Variants in GALNT13 observed in about 807,000 individuals in gnomAD.
GALNT13 encodes UDP-GalNAc:polypeptide N-acetylgalactosaminyltransferase 13.
GALNT13 carries 28 observed loss-of-function variants against 64.2 expected under a neutral mutation model. That is an observed-to-expected ratio of 0.44 (90% CI 0.32 to 0.60). The LOEUF is 0.60. GALNT13 is among the 20% of genes least tolerant of loss of function. GALNT13 has a pLI of 0.05. For synonymous variants in GALNT13, 214 were observed against 224.6 expected, an observed-to-expected ratio of 0.95 and a Z score of 0.42; for missense variants, 577 against 669.8, an observed-to-expected ratio of 0.86 and a Z score of 1.53.
the GALNT13 span, among the ~76,000 whole-genome samples, chr2:153,673,837 T>C: frequency 6.6e-6 from 1 of 152,190 alleles, no homozygotes; most frequent in Non-Finnish European, 1.5e-5. Flanking sequence ...CTCAAGCTGA[T>C]AAGCAACTTC....
the GALNT13 span, among the ~76,000 whole-genome samples, chr2:153,105,025 T>C: frequency 1.3e-4 from 14 of 108,236 alleles, no homozygotes; most frequent in African/African-American, 1.8e-4. Flanking sequence ...CCTAATGCTA[T>C]CCCTCCCCCC....
chr2:153,786,120 T>C, the GALNT13 span, among the ~76,000 whole-genome samples: 1 of 152,042 alleles, frequency 6.6e-6, no homozygotes, highest in African/African-American at 2.4e-5. Flanking sequence ...CAGGGCTGCC[T>C]GATATGGGAC....
chr2:153,286,419 T>A, the GALNT13 span, among the ~76,000 whole-genome samples: 1 of 152,174 alleles, frequency 6.6e-6, no homozygotes, highest in Admixed American at 6.5e-5. Context: ...ACAGAGAACC[T>A]AAATATGCCA....
chr2:153,954,221 C>G (rs994206652), intron 3 of GALNT13, among the ~76,000 whole-genome samples: 2 of 152,086 alleles, frequency 1.3e-5, no homozygotes, highest in African/African-American at 4.8e-5. Flanking sequence ...TATATGGCTT[C>G]ATCTTTTGCA....
chr2:154,279,366 A>C (rs1198941550), intron 8 of GALNT13, among the ~76,000 whole-genome samples: 1 of 152,182 alleles, frequency 6.6e-6, no homozygotes, highest in East Asian at 1.9e-4. Context: ...AAATGGAAAG[A>C]AGAAACTAAG....
chr2:153,818,381 C>T, the GALNT13 span, among the ~76,000 whole-genome samples: 1 of 152,142 alleles, frequency 6.6e-6, no homozygotes, highest in Non-Finnish European at 1.5e-5. Context: ...GCCAGATTGC[C>T]CTGACTACCC....
At chr2:154,437,567 C>T (rs1701042520) in intron 11 of GALNT13, 1 of 1,284,478 alleles carries the variant, frequency 7.8e-7, no homozygotes, top group Non-Finnish European at 1.0e-6. Context: ...GCTTAATAAC[C>T]CTCATGAGGC....
the GALNT13 span, among the ~76,000 whole-genome samples, chr2:153,137,651 T>G: frequency 3.3e-5 from 5 of 151,792 alleles, no homozygotes; most frequent in African/African-American, 1.2e-4. Context: ...ATTACTTTAT[T>G]CGATAAGTAT....
At chr2:154,119,159 T>TTTG (rs2105511662) in intron 3 of GALNT13, among the ~76,000 whole-genome samples, 1 of 152,300 alleles carries the variant, frequency 6.6e-6, no homozygotes, top group Non-Finnish European at 1.5e-5. Context: ...TCTACAAAAG[T>TTTG]TCTTATTTCC....
chr2:153,256,908 T>G, the GALNT13 span, among the ~76,000 whole-genome samples: 2 of 152,234 alleles, frequency 1.3e-5, no homozygotes, highest in Admixed American at 6.5e-5. Context: ...TCTTTTTGTT[T>G]GTCTGTGCCC....
chr2:153,528,955 C>A, the GALNT13 span, among the ~76,000 whole-genome samples: 1 of 151,688 alleles, frequency 6.6e-6, no homozygotes. Context: ...GCTATAAATA[C>A]TTACATCAAA....
At position 154,077,864 on chromosome 2, in the gene GALNT13, G is replaced by A. The variant is rs977326578; in HGVS notation, c.143-62473G>A. ...TTACACAGCATTTTTTTAAAATCATGCTTTCAAATAATATATCTTAGGAAA... is the reference window on the plus strand; with the variant it reads ...TTACACAGCATTTTTTTAAAATCATACTTTCAAATAATATATCTTAGGAAA... On this transcript the variant is annotated intron_variant, in intron 3 of 12. Transcript: ENST00000392825. Among the ~76,000 whole-genome samples the A allele has an allele frequency of 3.3e-5, 5 of 151,546 alleles. No individual in the cohort carries two copies. The East Asian group carries it at 9.7e-4, about 29-fold the overall frequency.
the GALNT13 span, among the ~76,000 whole-genome samples, chr2:153,391,951 T>C: frequency 6.7e-6 from 1 of 149,846 alleles, no homozygotes; most frequent in African/African-American, 2.4e-5. Flanking sequence ...AAATATACTA[T>C]CTATATTTTA....
At chr2:153,632,031 C>T in the GALNT13 span, among the ~76,000 whole-genome samples, 26 of 152,046 alleles carry the variant, frequency 1.7e-4, no homozygotes, top group Non-Finnish European at 3.2e-4. Flanking sequence ...TTGACACTGT[C>T]CAAGGCAAAA....
chr2:153,572,454 G>A, the GALNT13 span, among the ~76,000 whole-genome samples: 8 of 150,380 alleles, frequency 5.3e-5, no homozygotes, highest in Non-Finnish European at 8.9e-5. Context: ...TTCTGCCCTG[G>A]TCTTTATTAT....
the GALNT13 span, among the ~76,000 whole-genome samples, chr2:153,153,615 C>T: frequency 6.6e-6 from 1 of 150,592 alleles, no homozygotes; most frequent in African/African-American, 2.4e-5. Flanking sequence ...ATATGGCTAG[C>T]CAATTATCCC....
chr2:153,695,094 TAA>T, the GALNT13 span, among the ~76,000 whole-genome samples: 2 of 152,076 alleles, frequency 1.3e-5, no homozygotes, highest in Admixed American at 6.6e-5. Context: ...AAAGATAAAC[TAA>T]AGTCTTCTAA....
intron 10 of GALNT13, among the ~76,000 whole-genome samples, chr2:154,405,747 C>G (rs1476321278): frequency 6.6e-6 from 1 of 151,862 alleles, no homozygotes; most frequent in Admixed American, 6.6e-5. Context: ...TTCCGGGAAA[C>G]TTTTCTGAAA....
At chr2:153,715,502 G>T in the GALNT13 span, among the ~76,000 whole-genome samples, 6 of 152,376 alleles carry the variant, frequency 3.9e-5, no homozygotes, top group Admixed American at 2.6e-4. Context: ...TGGCTTTGCA[G>T]CCTTGCAGTT....
Sources: allele counts gnomAD v4.1 joint callset (sites outside exome capture counted in the v4.1 genomes callset), GRCh38; gene constraint gnomAD v4.1.1; transcripts MANE v1.5; gene names NCBI Gene and HGNC (gene_info 2026-07-23, HGNC 2026-07-21).